The following ULK2 variants were observed in gnomAD, a reference collection of about 807,000 sequenced individuals.
The protein encoded by ULK2 is unc-51 like autophagy activating kinase 2, also known as serine/threonine-protein kinase ULK2.
Under a neutral mutation model 127.5 loss-of-function variants are expected in ULK2, and 76 were observed. The ratio of observed to expected loss-of-function variants is 0.60; its 90% CI spans 0.50 to 0.72. The LOEUF (loss-of-function observed/expected upper bound fraction) is 0.72. ULK2 is among the 30% of genes least tolerant of loss of function. The probability of loss-of-function intolerance (pLI) is 0.00; values close to 1 mark genes in which losing one functional copy is unlikely to be tolerated. For synonymous variants in ULK2, 452 were observed against 461.9 expected (o/e 0.98, Z 0.28); for missense variants, 1,144 against 1,295.9 (o/e 0.88, Z 1.80).
At chr17:19,804,597 C>T in intron 15 of ULK2, 96 bp downstream of exon 15, 1 of 1,355,772 alleles carries the variant, frequency 7.4e-7, no homozygotes, top group Non-Finnish European at 9.9e-7. Flanking sequence ...ACATGTAAGA[C>T]ACTATGCCAC....
chr17:19,854,141 G>A (rs2042075459), intron 3 of ULK2, among the ~76,000 whole-genome samples: 1 of 151,912 alleles, frequency 6.6e-6, no homozygotes, highest in Non-Finnish European at 1.5e-5. Context: ...AGCTGGGTGT[G>A]GTGGTGCATG....
At chr17:19,860,725 T>C (rs1442767151) in intron 3 of ULK2, among the ~76,000 whole-genome samples, 4 of 152,104 alleles carry the variant, frequency 2.6e-5, no homozygotes, top group African/African-American at 9.7e-5. Context: ...GGTTTCTCCA[T>C]GTTGGTCACG....
intron 1 of ULK2, 144 bp downstream of exon 1, chr17:19,867,184 A>G (rs948824287): frequency 8.0e-5 from 49 of 608,814 alleles, no homozygotes; most frequent in Admixed American, 6.4e-4. Context: ...ACCAAAACAA[A>G]CGGCGAGACG....
In ULK2 at chr17:19,827,670, G is replaced by A. The variant is rs113268170; in HGVS notation, c.788-1484C>T. ...CTCACGCCTATAATCCCAGCACTTT[G>A]GGAGGCAGAGGTAGGTAGATCACCT... is the stretch of plus-strand genomic sequence containing the variant. On this transcript the variant is annotated intron_variant, in intron 10 of 26. Coordinates refer to ENST00000395544, the MANE Select transcript of ULK2 (RefSeq NM_014683.4). Among the ~76,000 whole-genome samples, 752 of 152,268 alleles carry A rather than the reference G, an allele frequency of 4.9e-3. 4 individuals are homozygous for A. The highest frequency in any genetic ancestry group is 0.017 in the African/African-American group (715 of 41,540).
intron 20 of ULK2, among the ~76,000 whole-genome samples, chr17:19,791,547 T>C (rs1374182628): frequency 6.6e-6 from 1 of 152,090 alleles, no homozygotes; most frequent in African/African-American, 2.4e-5. Context: ...TAGCTGGGTA[T>C]GGTGGCACAC....
chr17:19,784,201 A>G (rs1191066223), intron 21 of ULK2: 1 of 231,552 alleles, frequency 4.3e-6, no homozygotes, highest in East Asian at 8.5e-5. Context: ...AGGGCCTCAT[A>G]ATTATAAAAC....
At chr17:19,835,774 T>C (rs1210552053) in intron 10 of ULK2, among the ~76,000 whole-genome samples, 2 of 145,856 alleles carry the variant, frequency 1.4e-5, no homozygotes, top group South Asian at 2.2e-4. Context: ...AAAAAATACA[T>C]AGTACAAAAA....
intron 1 of ULK2, among the ~76,000 whole-genome samples, chr17:19,867,006 G>A (rs2042365165): frequency 6.6e-6 from 1 of 152,126 alleles, no homozygotes; most frequent in Non-Finnish European, 1.5e-5. Flanking sequence ...CCCAACCCTC[G>A]AGTCTGCACG....
chr17:19,851,799 T>A (rs2042021879), intron 3 of ULK2, among the ~76,000 whole-genome samples: 1 of 151,248 alleles, frequency 6.6e-6, no homozygotes, highest in Non-Finnish European at 1.5e-5. Context: ...CCAAGGCGGG[T>A]CGGATTACAA....
intron 20 of ULK2, among the ~76,000 whole-genome samples, chr17:19,793,180 G>A (rs574805210): frequency 3.5e-4 from 54 of 152,208 alleles, no homozygotes; most frequent in Admixed American, 3.9e-4. Context: ...CAAGCAAAGC[G>A]GGGAAGAGCC....
chr17:19,780,167 G>A (rs2086889123), intron 25 of ULK2, among the ~76,000 whole-genome samples: 1 of 143,344 alleles, frequency 7.0e-6, no homozygotes, highest in African/African-American at 2.6e-5. Flanking sequence ...GAGTAACTCC[G>A]TCTCAAGAAA....
In ULK2 at chr17:19,801,790, T is replaced by A. The variant is rs765953059; in HGVS notation, c.1428A>T (p.Ser476=). The A allele has an allele frequency of 1.2e-6, 2 of 1,613,694 alleles. No individual in the cohort carries two copies. Among genetic ancestry groups the A allele is most frequent in the African/African-American group, 2.7e-5 (2 of 74,890 alleles). Residue 476 remains serine (S), a synonymous_variant, in exon 16 of 27, where the codon TCA becomes TCT. Coordinates refer to ENST00000395544, the MANE Select transcript of ULK2 (RefSeq NM_014683.4). ...AACTCTACTTACCCAAAGGGGAAGG[T>A]GAGTAAGGCCTAGAAGACCCAGTGG... The part of the protein sequence containing the change: ...RLSTGSSRPY[S]PSPLVGTIPE...
chr17:19,843,558 C>A (rs2041814147), intron 7 of ULK2, among the ~76,000 whole-genome samples: 1 of 151,822 alleles, frequency 6.6e-6, no homozygotes, highest in Admixed American at 6.6e-5. Context: ...AAAATACATA[C>A]CATAGGACAG....
At chr17:19,791,731 A>T (rs902849532) in intron 20 of ULK2, among the ~76,000 whole-genome samples, 2 of 151,182 alleles carry the variant, frequency 1.3e-5, no homozygotes, top group African/African-American at 4.9e-5. Flanking sequence ...GGTGGTACAC[A>T]CCTGTAATCC....
chr17:19,847,292 T>G (rs2041906528), intron 5 of ULK2, among the ~76,000 whole-genome samples: 1 of 152,142 alleles, frequency 6.6e-6, no homozygotes, highest in Non-Finnish European at 1.5e-5. Flanking sequence ...CTGGAATAAG[T>G]GTCCATATTT....
chr17:19,824,007 A>C (rs1457393275), intron 12 of ULK2, among the ~76,000 whole-genome samples: 3 of 152,068 alleles, frequency 2.0e-5, no homozygotes, highest in South Asian at 2.1e-4. Context: ...TCCCTGAAGA[A>C]CCCTACGAGG....
chr17:19,860,574 G>T (rs1042285950), intron 3 of ULK2, among the ~76,000 whole-genome samples: 1 of 150,178 alleles, frequency 6.7e-6, no homozygotes, highest in Non-Finnish European at 1.5e-5. Context: ...GCCCAGGCTG[G>T]AGTGCAATGG....
chr17:19,816,259 T>C (rs1224614494), intron 13 of ULK2, among the ~76,000 whole-genome samples: 1 of 152,226 alleles, frequency 6.6e-6, no homozygotes, highest in Non-Finnish European at 1.5e-5. Context: ...GGTTTTCTGG[T>C]ACCCTTCACT....
chr17:19,787,080 C>A (rs980399228), intron 20 of ULK2, among the ~76,000 whole-genome samples: 1 of 151,508 alleles, frequency 6.6e-6, no homozygotes, highest in Non-Finnish European at 1.5e-5. Flanking sequence ...CTCACTGCAA[C>A]CTCTGCCTCC....
Sources: allele counts gnomAD v4.1 joint callset (sites outside exome capture counted in the v4.1 genomes callset), GRCh38; gene constraint gnomAD v4.1.1; transcripts MANE v1.5; gene names NCBI Gene and HGNC (gene_info 2026-07-23, HGNC 2026-07-21).